Variants in ADGRE3 observed in about 807,000 individuals in gnomAD.
The protein encoded by ADGRE3 is adhesion G protein-coupled receptor E3.
ADGRE3 carries 88 observed loss-of-function variants against 80.1 expected under a neutral mutation model. The observed-to-expected ratio is 1.10, with a 90% CI of 0.93 to 1.31. The LOEUF (loss-of-function observed/expected upper bound fraction) is 1.31. ADGRE3 is among the 40% of genes most tolerant of loss of function. The pLI is 0.00. For missense variants in ADGRE3, 715 were observed against 776.5 expected (o/e 0.92, Z 0.94); for synonymous variants, 281 against 294.8 (o/e 0.95, Z 0.48).
At chr19:14,648,087 C>A (rs117366791) in intron 7 of ADGRE3, among the ~76,000 whole-genome samples, 2,358 of 107,990 alleles carry the variant, frequency 0.022, no homozygotes, top group Non-Finnish European at 0.024. Flanking sequence ...ATCTCAAAGA[C>A]AAAAAAAAAA....
intron 13 of ADGRE3, among the ~76,000 whole-genome samples, chr19:14,630,585 G>T (rs540761725): frequency 6.6e-6 from 1 of 151,674 alleles, no homozygotes; most frequent in East Asian, 2.0e-4. Flanking sequence ...GCTAATTTTT[G>T]TTATTTTTAG....
rs112763286 is a variant in ADGRE3, at chr19:14,620,347, C to T, written c.1921-876G>A. Reference sequence around the variant, plus strand: ...GATTACTGGCATGAGCCACCATGCCCGGCCAAAGCTAATGTATTTCTTAAA... The same window carrying T: ...GATTACTGGCATGAGCCACCATGCCTGGCCAAAGCTAATGTATTTCTTAAA... On this transcript the variant is annotated intron_variant, in intron 15 of 15. Transcript: ENST00000253673. Among the ~76,000 whole-genome samples, 574 of 60,690 alleles carry T rather than the reference C, an allele frequency of 9.5e-3. 3 individuals carry two copies. The highest frequency in any genetic ancestry group is 0.014 in the Non-Finnish European group (387 of 27,068). The allele number at this position is 60,690 out of a possible 152,430, so 39.8% of individuals were successfully genotyped here.
chr19:14,632,105 G>T (rs1254988537), intron 13 of ADGRE3, among the ~76,000 whole-genome samples: 1 of 152,024 alleles, frequency 6.6e-6, no homozygotes, highest in Non-Finnish European at 1.5e-5. Context: ...TATCACACAC[G>T]ATTGGAGATA....
At chr19:14,646,041 G>A (rs1197271408) in intron 8 of ADGRE3, among the ~76,000 whole-genome samples, 1 of 152,182 alleles carries the variant, frequency 6.6e-6, no homozygotes, top group Non-Finnish European at 1.5e-5. Context: ...ATCCAACATA[G>A]TATCTTTTAA....
intron 10 of ADGRE3, among the ~76,000 whole-genome samples, chr19:14,639,829 TG>T (rs1236947330): frequency 1.3e-5 from 2 of 152,174 alleles, no homozygotes; most frequent in African/African-American, 2.4e-5. Context: ...TTGTCTTTTT[TG>T]GGGGGTGAGA....
At chr19:14,607,657 T>C in the ADGRE3 span, among the ~76,000 whole-genome samples, 1 of 151,504 alleles carries the variant, frequency 6.6e-6, no homozygotes, top group East Asian at 1.9e-4. Context: ...CTCACTGTAA[T>C]CTCTGTCTCC....
intron 15 of ADGRE3, among the ~76,000 whole-genome samples, chr19:14,625,036 A>G (rs970913874): frequency 6.6e-6 from 1 of 151,908 alleles, no homozygotes; most frequent in African/African-American, 2.4e-5. Flanking sequence ...CTGGAGTGCA[A>G]TGGTGCGATC....
At chr19:14,652,172 C>CGTG (rs1971623863) in intron 6 of ADGRE3, among the ~76,000 whole-genome samples, 1 of 151,924 alleles carries the variant, frequency 6.6e-6, no homozygotes, top group African/African-American at 2.4e-5. Context: ...AAAAGGTAAC[C>CGTG]ATGTGAGTGA....
At chr19:14,669,785 C>T (rs765788601) in intron 1 of ADGRE3, among the ~76,000 whole-genome samples, 1 of 152,130 alleles carries the variant, frequency 6.6e-6, no homozygotes, top group Non-Finnish European at 1.5e-5. Context: ...CCACTCTGCC[C>T]AGCCCAATGA....
chr19:14,605,754 T>A, the ADGRE3 span, among the ~76,000 whole-genome samples: 3 of 152,144 alleles, frequency 2.0e-5, no homozygotes, highest in Non-Finnish European at 4.4e-5. Flanking sequence ...TTGACTTTTT[T>A]CCGGGACAGA....
the ADGRE3 span, among the ~76,000 whole-genome samples, chr19:14,604,795 T>C: frequency 2.6e-5 from 4 of 151,974 alleles, no homozygotes; most frequent in African/African-American, 9.7e-5. Context: ...AGTCACCAGA[T>C]AACTTTGGAT....
At chr19:14,641,731 G>GT in intron 9 of ADGRE3, 115 bp from the exon 10 acceptor site, 1 of 1,244,114 alleles carries the variant, frequency 8.0e-7, no homozygotes, top group Admixed American at 2.0e-5. Context: ...GTGTGGGACC[G>GT]TTAGACTGCT....
the ADGRE3 span, among the ~76,000 whole-genome samples, chr19:14,601,279 A>G: frequency 6.6e-6 from 1 of 152,110 alleles, no homozygotes. Context: ...GAAATCATAC[A>G]TTGACTGTCA....
chr19:14,661,932 A>C, intron 4 of ADGRE3, 31 bp downstream of exon 4: 1 of 1,607,422 alleles, frequency 6.2e-7, no homozygotes, highest in Non-Finnish European at 8.5e-7. Flanking sequence ...ACAACAGAGG[A>C]AGGAAGGCAG....
chr19:14,625,221 G>C (rs755105649), intron 15 of ADGRE3, among the ~76,000 whole-genome samples: 4 of 152,038 alleles, frequency 2.6e-5, no homozygotes, highest in South Asian at 2.1e-4. Context: ...CTCAGGTGAT[G>C]CACCCACCTT....
chr19:14,621,895 G>A, intron 15 of ADGRE3: 1 of 1,038,954 alleles, frequency 9.6e-7, no homozygotes, highest in Non-Finnish European at 1.3e-6. Context: ...CCATGACCTC[G>A]TTGTTCCCAT....
At chr19:14,633,723 T>TA (rs1320513235) in intron 11 of ADGRE3, among the ~76,000 whole-genome samples, 1 of 128,034 alleles carries the variant, frequency 7.8e-6, no homozygotes, top group Non-Finnish European at 1.6e-5. Context: ...TAAAATAAAA[T>TA]AAAATAAAAT....
intron 13 of ADGRE3, 94 bp from the exon 14 acceptor site, chr19:14,630,301 C>T (rs146352203): frequency 1.7e-4 from 176 of 1,016,028 alleles, no homozygotes; most frequent in African/African-American, 1.7e-3. Context: ...AACTCTGGAG[C>T]TAGACTACCT....
At chr19:14,651,753 T>C (rs892113862) in intron 6 of ADGRE3, among the ~76,000 whole-genome samples, 1 of 152,090 alleles carries the variant, frequency 6.6e-6, no homozygotes, top group South Asian at 2.1e-4. Flanking sequence ...AAATAAGTGA[T>C]GATATGGGCT....
Sources: allele counts gnomAD v4.1 joint callset (sites outside exome capture counted in the v4.1 genomes callset), GRCh38; gene constraint gnomAD v4.1.1; transcripts MANE v1.5; gene names NCBI Gene and HGNC (gene_info 2026-07-23, HGNC 2026-07-21).